Variants in RASSF9 observed in about 807,000 individuals in gnomAD.
RASSF9 encodes Ras association domain family member 9.
RASSF9 carries 18 observed loss-of-function variants against 21.4 expected under a neutral mutation model. The ratio of observed to expected loss-of-function variants is 0.84; its 90% CI spans 0.58 to 1.25. The LOEUF (loss-of-function observed/expected upper bound fraction) is 1.25. Ranked by LOEUF, RASSF9 falls within the 50% of genes most tolerant of loss-of-function variation. The pLI is 0.00. For missense variants in RASSF9, 480 were observed against 503.2 expected, an observed-to-expected ratio of 0.95 and a Z score of 0.44; for synonymous variants, 183 against 179.1, an observed-to-expected ratio of 1.02 and a Z score of -0.18.
chr12:85,803,561 A>C lies in RASSF9; in HGVS notation c.*1141T>G, dbSNP rs1386048952. 2.0e-5 allele frequency: 3 copies of C among 152,168 alleles called. No homozygotes were observed. Among genetic ancestry groups the C allele is most frequent in the Non-Finnish European group, 4.4e-5 (3 of 68,018 alleles). 9.4% of individuals were successfully genotyped at this position (152,168 alleles called of 1,614,324 possible). On this transcript the variant is annotated 3_prime_UTR_variant, in exon 2 of 2. Transcript: ENST00000361228. ...GCAAATAAGAAGAAAGTAAGCAAAGAAGGGAGAGAGAAGAAAGCACATTTC... is the reference window on the plus strand; with the variant it reads ...GCAAATAAGAAGAAAGTAAGCAAAGCAGGGAGAGAGAAGAAAGCACATTTC...
rs746945008 is a variant in RASSF9, at chr12:85,804,749, G to C, written c.1261C>G (p.Gln421Glu). Residue 421 changes from glutamine to glutamate, a missense_variant, in exon 2 of 2, where the codon CAG (glutamine) becomes GAG (glutamate). Transcript: ENST00000361228. ...SDTGISSNHS[Q>E]DSETTVGDVV... ...TCTCCTACTGTTGTTTCGGAGTCCTGACTGTGGTTAGAACTGATACCAGTG... is the reference window on the plus strand; with the variant it reads ...TCTCCTACTGTTGTTTCGGAGTCCTCACTGTGGTTAGAACTGATACCAGTG... The C allele has an allele frequency of 1.9e-6, 3 of 1,612,346 alleles. No individual in the cohort carries two copies. The highest frequency in any genetic ancestry group is 2.2e-5 in the East Asian group (1 of 44,846).
intron 1 of RASSF9, among the ~76,000 whole-genome samples, chr12:85,817,345 G>A (rs1283689263): frequency 1.3e-5 from 2 of 151,962 alleles, no homozygotes; most frequent in East Asian, 1.9e-4. Flanking sequence ...CTTTTCCCAC[G>A]AATCAGTTAT....
chr12:85,828,144 C>G (rs1246689828), intron 1 of RASSF9, among the ~76,000 whole-genome samples: 2 of 152,058 alleles, frequency 1.3e-5, no homozygotes, highest in Non-Finnish European at 2.9e-5. Context: ...ATCATTAATA[C>G]TTCACAATAT....
Position 85,801,676 on chromosome 12 carries a change from G to C in RASSF9, c.*3026C>G, listed in dbSNP as rs954835043. 2 of 152,448 alleles carry C rather than the reference G, an allele frequency of 1.3e-5. No homozygotes were observed. The highest frequency in any genetic ancestry group is 1.9e-4 in the East Asian group (1 of 5,158). 9.4% of individuals were successfully genotyped at this position (152,448 alleles called of 1,614,324 possible). On this transcript the variant is annotated 3_prime_UTR_variant, in exon 2 of 2. Coordinates refer to ENST00000361228, the MANE Select transcript of RASSF9 (RefSeq NM_005447.4). ...AAAAATACAAAAAAATTAGCCTGGC[G>C]TGGTGGCGGGCGCCTGTAGTCCCAG...
In RASSF9 at chr12:85,805,678, T is replaced by G. The variant is rs776896887; in HGVS notation, c.332A>C (p.Gln111Pro). ...AGCATCTGCTTTAACCAAAACAAAT[T>G]GCATATTGGGCTGCTCATCTCCCCA... ...KAWGDEQPNM[Q>P]FVLVKADAFL... is the part of the protein sequence containing the mutation. Residue 111 changes from glutamine to proline, a missense_variant, in exon 2 of 2, where the codon CAA (glutamine) becomes CCA (proline). Transcript: ENST00000361228. The G allele has an allele frequency of 1.9e-6, 3 of 1,613,976 alleles. No homozygotes were observed. Among genetic ancestry groups the G allele is most frequent in the Non-Finnish European group, 2.5e-6 (3 of 1,179,882 alleles).
chr12:85,815,913 A>G (rs905039523), intron 1 of RASSF9, among the ~76,000 whole-genome samples: 7 of 152,150 alleles, frequency 4.6e-5, no homozygotes, highest in African/African-American at 1.7e-4. Flanking sequence ...ATCAACCTAA[A>G]TGCCCATCAA....
Position 85,804,621 on chromosome 12 carries a change from G to T in RASSF9, c.*81C>A. On this transcript the variant is annotated 3_prime_UTR_variant, in exon 2 of 2. Transcript: ENST00000361228. ...TACAATATGATTTACATTTTTTTGAGTGTTATATTTAAAATGAGGTTTCCT... is the reference window on the plus strand; with the variant it reads ...TACAATATGATTTACATTTTTTTGATTGTTATATTTAAAATGAGGTTTCCT... 5 of 1,302,660 alleles carry T rather than the reference G, an allele frequency of 3.8e-6. No homozygotes were observed. Among genetic ancestry groups the T allele is most frequent in the Admixed American group, 2.7e-5 (1 of 37,452 alleles). The allele number at this position is 1,302,660 out of a possible 1,614,324, so 80.7% of individuals were successfully genotyped here.
At position 85,827,992 on chromosome 12, in the gene RASSF9, A is replaced by C. The variant is rs980333008; in HGVS notation, c.47+8163T>G. On this transcript the variant is annotated intron_variant, in intron 1 of 1. Transcript: ENST00000361228. ...AGAAAAATATATGGCACATACTACA[A>C]GGTAAATAAATATTTATTATTCAAC... Among the ~76,000 whole-genome samples the C allele has an allele frequency of 4.6e-5, 7 of 152,320 alleles. No homozygotes were observed. The South Asian group carries it at 1.0e-3, about 23-fold the overall frequency.
chr12:85,818,363 A>G (rs1301477827), intron 1 of RASSF9, among the ~76,000 whole-genome samples: 1 of 152,248 alleles, frequency 6.6e-6, no homozygotes, highest in African/African-American at 2.4e-5. Context: ...AAATAAGTTT[A>G]GATAAATGAA....
chr12:85,810,727 A>T (rs900221542), intron 1 of RASSF9, among the ~76,000 whole-genome samples: 2 of 151,858 alleles, frequency 1.3e-5, no homozygotes, highest in Admixed American at 6.6e-5. Flanking sequence ...CGCAAACACA[A>T]CTAAAGTTTA....
At chr12:85,833,086 T>A (rs117092433) in intron 1 of RASSF9, among the ~76,000 whole-genome samples, 1 of 143,708 alleles carries the variant, frequency 7.0e-6, no homozygotes, top group East Asian at 1.9e-4. Context: ...AACTAAATAA[T>A]CTTTAAATTT....
Position 85,804,564 on chromosome 12 carries a change from C to T in RASSF9, c.*138G>A. The stretch of plus-strand genomic sequence containing the variant: ...TGGAAATTTCACATCAGAAACAACA[C>T]ATTTCTCGAGTTTTTATTAACTATT... On this transcript the variant is annotated 3_prime_UTR_variant, in exon 2 of 2. Transcript: ENST00000361228. 1.2e-6 allele frequency: 1 copy of T among 866,134 alleles called. No individual in the cohort carries two copies. The highest frequency in any genetic ancestry group is 1.6e-6 in the Non-Finnish European group (1 of 618,618). The allele number at this position is 866,134 out of a possible 1,614,324, so 53.7% of individuals were successfully genotyped here.
intron 1 of RASSF9, among the ~76,000 whole-genome samples, chr12:85,826,620 T>TCACCCACA (rs1880340585): frequency 6.6e-6 from 1 of 151,750 alleles, no homozygotes; most frequent in African/African-American, 2.4e-5. Context: ...GCTAATTTTT[T>TCACCCACA]GTATTTTTAG....
intron 1 of RASSF9, among the ~76,000 whole-genome samples, chr12:85,810,775 G>A (rs1308464934): frequency 6.6e-6 from 1 of 151,918 alleles, no homozygotes; most frequent in African/African-American, 2.4e-5. Flanking sequence ...GGTTCGTTAT[G>A]TAATACCATG....
rs1879739040 is a variant in RASSF9, at chr12:85,803,187, T to C, written c.*1515A>G. The C allele has an allele frequency of 6.6e-6, 1 of 152,028 alleles. No homozygotes were observed. Among genetic ancestry groups the C allele is most frequent in the Admixed American group, 6.6e-5 (1 of 15,258 alleles). 9.4% of individuals were successfully genotyped at this position (152,028 alleles called of 1,614,324 possible). A position where few individuals can be genotyped will look rare whatever the true frequency, so the allele number is the denominator to read the frequency against. The stretch of plus-strand genomic sequence containing the variant: ...AGTTGCTTTAAAAAATTAAATACTT[T>C]TCAAATTTTGAAAGTAAAACAATAA... On this transcript the variant is annotated 3_prime_UTR_variant, in exon 2 of 2. Coordinates refer to ENST00000361228, the MANE Select transcript of RASSF9 (RefSeq NM_005447.4).
intron 1 of RASSF9, among the ~76,000 whole-genome samples, chr12:85,809,665 AATAATGATG>A (rs1381846018): frequency 7.5e-6 from 1 of 133,676 alleles, no homozygotes; most frequent in African/African-American, 3.1e-5. Flanking sequence ...GTAGAATAGT[AATAATGATG>A]ATGATGATGA....
chr12:85,820,302 T>A (rs1341156797), intron 1 of RASSF9, among the ~76,000 whole-genome samples: 1 of 152,140 alleles, frequency 6.6e-6, no homozygotes, highest in African/African-American at 2.4e-5. Flanking sequence ...TGACAGAGAG[T>A]GATCTTATGG....
intron 1 of RASSF9, 136 bp from the exon 2 acceptor site, chr12:85,806,098 G>T: frequency 1.1e-6 from 1 of 898,652 alleles, no homozygotes; most frequent in Non-Finnish European, 1.6e-6. Context: ...CCAGGCTGGA[G>T]TGCAGTGGTG....
rs751625360 is a variant in RASSF9 at position 85,805,705 on chromosome 12, G to A, written c.305C>T (p.Ala102Val). Residue 102 changes from alanine (A) to valine (V), a missense_variant, in exon 2 of 2, where the codon GCG becomes GTG. Physicochemically the swap from Ala to Val is moderately conservative, Grantham distance 64. Transcript: ENST00000361228. ...PLTRILKLWK[A>V]WGDEQPNMQF... is the part of the protein sequence containing the mutation. The stretch of plus-strand genomic sequence containing the variant: ...CATATTGGGCTGCTCATCTCCCCAC[G>A]CTTTCCAAAGCTTCAGGATTCTAGT... The A allele has an allele frequency of 1.4e-5, 23 of 1,613,802 alleles. No individual in the cohort carries two copies. Among genetic ancestry groups the A allele is most frequent in the Middle Eastern group, 1.6e-4 (1 of 6,084 alleles).
Sources: allele counts gnomAD v4.1 joint callset (sites outside exome capture counted in the v4.1 genomes callset), GRCh38; gene constraint gnomAD v4.1.1; transcripts MANE v1.5; gene names NCBI Gene and HGNC (gene_info 2026-07-23, HGNC 2026-07-21).